Variants in RARB observed in about 807,000 individuals in gnomAD.
RARB encodes retinoic acid receptor beta, also known as HBV-activated protein.
In RARB, 17 loss-of-function variants were observed where a neutral mutation model predicts 51.9. That is an observed-to-expected ratio of 0.33 (90% CI 0.22 to 0.49). The LOEUF is 0.49. Ranked by LOEUF, RARB falls within the 20% of genes least tolerant of loss-of-function variation. RARB has a pLI of 0.99. For synonymous variants in RARB, 215 were observed against 195.4 expected (o/e 1.10, Z -0.84); for missense variants, 369 against 550.8 (o/e 0.67, Z 3.30).
At chr3:25,025,058 A>G (rs1237944115) in intron 2 of RARB, 1 of 152,164 alleles carries the variant, frequency 6.6e-6, no homozygotes, top group African/African-American at 2.4e-5. Flanking sequence ...TCAGAAGTTA[A>G]GCAGGATTGG....
At chr3:25,295,480 C>T (rs932072032) in intron 5 of RARB, among the ~76,000 whole-genome samples, 14 of 152,130 alleles carry the variant, frequency 9.2e-5, no homozygotes, top group Admixed American at 3.3e-4. Context: ...CGACTGTGAG[C>T]AATAATTTTC....
At chr3:25,495,453 T>C (rs182200067) in intron 2 of RARB, among the ~76,000 whole-genome samples, 5 of 152,368 alleles carry the variant, frequency 3.3e-5, no homozygotes, top group Admixed American at 3.3e-4. Context: ...CTTTCTGCAC[T>C]GTAGATAATA....
At chr3:25,500,955 T>A (rs1697281123) in intron 2 of RARB, among the ~76,000 whole-genome samples, 1 of 152,184 alleles carries the variant, frequency 6.6e-6, no homozygotes, top group Admixed American at 6.5e-5. Flanking sequence ...TTTAGCAAGA[T>A]AATAATGGTC....
At chr3:24,842,095 G>A (rs1374419823) in intron 1 of RARB, among the ~76,000 whole-genome samples, 3 of 152,124 alleles carry the variant, frequency 2.0e-5, no homozygotes, top group Admixed American at 6.5e-5. Context: ...CAACATTCCT[G>A]AGAGTAATAG....
intron 2 of RARB, among the ~76,000 whole-genome samples, chr3:24,907,846 A>C: frequency 6.6e-6 from 1 of 152,258 alleles, no homozygotes; most frequent in East Asian, 1.9e-4. Context: ...ATATATTACC[A>C]ATATAGGGAT....
intron 2 of RARB, among the ~76,000 whole-genome samples, chr3:24,882,062 G>A (rs999617874): frequency 1.3e-5 from 2 of 152,148 alleles, no homozygotes; most frequent in Admixed American, 1.3e-4. Context: ...AAGTCTAATA[G>A]TGACTTGTAT....
rs138963702 is a variant in RARB, at chr3:25,467,077, A to G, written c.306+5736A>G. 2.9e-3 allele frequency among the ~76,000 whole-genome samples: 447 copies of G among 152,310 alleles called. 2 individuals are homozygous for G. Among genetic ancestry groups the G allele is most frequent in the Non-Finnish European group, 5.1e-3 (346 of 68,030 alleles). ...CTCTGTGGCTTAGAAGCTTTAAGCC[A>G]TGTCTGGTCATTCCTCCACCCTTCC... On this transcript the variant is annotated intron_variant, in intron 2 of 7. Transcript: ENST00000330688.
chr3:25,028,826 A>G (rs565380165), intron 2 of RARB, among the ~76,000 whole-genome samples: 1 of 152,270 alleles, frequency 6.6e-6, no homozygotes, highest in African/African-American at 2.4e-5. Flanking sequence ...GGTTGTCTGG[A>G]AAAGCCCTGC....
chr3:24,973,288 A>T (rs1696441057), intron 2 of RARB, among the ~76,000 whole-genome samples: 1 of 151,980 alleles, frequency 6.6e-6, no homozygotes, highest in Non-Finnish European at 1.5e-5. Flanking sequence ...TGGCTGTAAA[A>T]GTGTAGATTT....
At chr3:25,049,674 T>C (rs755071489) in intron 2 of RARB, among the ~76,000 whole-genome samples, 54 of 152,200 alleles carry the variant, frequency 3.5e-4, no homozygotes, top group Non-Finnish European at 7.2e-4. Context: ...AGAGAATACA[T>C]GAAAAAATAA....
intron 5 of RARB, among the ~76,000 whole-genome samples, chr3:25,185,485 C>G (rs769582235): frequency 6.6e-6 from 1 of 152,044 alleles, no homozygotes; most frequent in South Asian, 2.1e-4. Context: ...AATTGCTTAA[C>G]GGTTGTGAAA....
At chr3:25,594,772 C>A in intron 7 of RARB, 94 bp downstream of exon 7, 1 of 1,192,222 alleles carries the variant, frequency 8.4e-7, no homozygotes. Context: ...TGTTTAATGG[C>A]TGCTTTTAAA....
In RARB at chr3:25,390,993, CG is replaced by C. The variant is rs144303883; in HGVS notation, c.179-70199del. ...GTGATTTCCGAGATTTTGGTGCACCCGTCACCCAAGCAGTGCACACTGTTCG... is the reference window on the plus strand; with the variant it reads ...GTGATTTCCGAGATTTTGGTGCACCCTCACCCAAGCAGTGCACACTGTTCG... On this transcript the variant is annotated intron_variant, in intron 5 of 11. Coordinates refer to the RARB transcript ENST00000383772. Among the ~76,000 whole-genome samples the C allele has an allele frequency of 6.6e-3, 1,000 of 152,122 alleles. 12 individuals carry two copies. Among genetic ancestry groups the C allele is most frequent in the African/African-American group, 0.022 (918 of 41,488 alleles).
intron 4 of RARB, among the ~76,000 whole-genome samples, chr3:25,172,380 A>G (rs1259969725): frequency 6.6e-6 from 1 of 151,946 alleles, no homozygotes; most frequent in Non-Finnish European, 1.5e-5. Context: ...ATTCATTGAA[A>G]CTCACTGAGA....
intron 1 of RARB, among the ~76,000 whole-genome samples, chr3:24,835,148 C>T (rs933608036): frequency 6.6e-6 from 1 of 152,140 alleles, no homozygotes; most frequent in Non-Finnish European, 1.5e-5. Flanking sequence ...TACAGCATTG[C>T]TTTTGCCTTT....
In RARB at chr3:25,597,282, C is replaced by T. The variant is rs1350324492; in HGVS notation, c.*666C>T. 6.6e-6 allele frequency: 1 copy of T among 152,606 alleles called. No individual in the cohort carries two copies. Among genetic ancestry groups the T allele is most frequent in the African/African-American group, 2.4e-5 (1 of 41,434 alleles). The allele number at this position is 152,606 out of a possible 1,614,324, so 9.5% of individuals were successfully genotyped here. A position where few individuals can be genotyped will look rare whatever the true frequency, so the allele number is the denominator to read the frequency against. On this transcript the variant is annotated 3_prime_UTR_variant, in exon 8 of 8. Transcript: ENST00000330688. ...CCAGTAAAAGTATACAAATTCCCTG[C>T]ACTAGCAGAAGAGAATTCTGTATCA...
At chr3:25,529,920 G>A (rs1210208693) in intron 3 of RARB, among the ~76,000 whole-genome samples, 1 of 152,152 alleles carries the variant, frequency 6.6e-6, no homozygotes, top group African/African-American at 2.4e-5. Flanking sequence ...AAACCCCTCA[G>A]TGGCTCGCTA....
intron 4 of RARB, among the ~76,000 whole-genome samples, chr3:25,139,518 A>C (rs756058989): frequency 6.6e-6 from 1 of 152,332 alleles, no homozygotes; most frequent in Admixed American, 6.5e-5. Flanking sequence ...ATCAAGGCTA[A>C]GAGAGATGAG....
intron 3 of RARB, among the ~76,000 whole-genome samples, chr3:25,104,803 C>T (rs1699467127): frequency 6.6e-6 from 1 of 152,160 alleles, no homozygotes; most frequent in Non-Finnish European, 1.5e-5. Context: ...AACTACATGC[C>T]ACAATATGAA....
Sources: gnomAD v4.1 joint callset for allele counts (sites outside exome capture counted in the v4.1 genomes callset) on GRCh38, gnomAD v4.1.1 for gene constraint, MANE v1.5 for transcripts, NCBI Gene and HGNC (gene_info 2026-07-23, HGNC 2026-07-21) for gene names.